Variants in PCDHA3 observed in about 807,000 individuals in gnomAD.
PCDHA3 encodes the protein protocadherin alpha-3.
PCDHA3 carries 41 observed loss-of-function variants against 62.2 expected under a neutral mutation model. That is an observed-to-expected ratio of 0.66 (90% confidence interval 0.51 to 0.86). The LOEUF is 0.86. Among genes scored for constraint, PCDHA3 ranks in the 40% least tolerant of loss-of-function variants. The probability of loss-of-function intolerance (pLI) is 0.00; values close to 1 mark genes in which losing one functional copy is unlikely to be tolerated. For synonymous variants in PCDHA3, 640 were observed against 555.4 expected (o/e 1.15, Z -2.14); for missense variants, 1,304 against 1,241.2 (o/e 1.05, Z -0.76).
At chr5:140,808,715 G>T in intron 1 of PCDHA3, 1 of 1,612,234 alleles carries the variant, frequency 6.2e-7, no homozygotes, top group Non-Finnish European at 8.5e-7. Context: ...CTACGTTTCG[G>T]TGCATGCGGA....
At chr5:140,947,755 G>T (rs1415482913) in intron 1 of PCDHA3, among the ~76,000 whole-genome samples, 1 of 151,450 alleles carries the variant, frequency 6.6e-6, no homozygotes, top group Non-Finnish European at 1.5e-5. Flanking sequence ...GTATTTTATG[G>T]TTTAAAAAAT....
At chr5:140,880,403 T>C (rs1474959731) in intron 1 of PCDHA3, among the ~76,000 whole-genome samples, 1 of 152,186 alleles carries the variant, frequency 6.6e-6, no homozygotes, top group Non-Finnish European at 1.5e-5. Flanking sequence ...GAGCATATGG[T>C]TGACCTTAAA....
intron 1 of PCDHA3, chr5:140,807,860 ACCG>A: frequency 6.2e-7 from 1 of 1,614,160 alleles, no homozygotes. Flanking sequence ...GTTGACTGGC[ACCG>A]TTCAGTTACT....
intron 1 of PCDHA3, chr5:140,927,252 C>A: frequency 6.2e-7 from 1 of 1,614,134 alleles, no homozygotes; most frequent in Non-Finnish European, 8.5e-7. Flanking sequence ...CCAATGACAA[C>A]TCACCTCTCT....
intron 1 of PCDHA3, chr5:140,853,757 T>G: frequency 1.0e-6 from 1 of 988,514 alleles, no homozygotes; most frequent in East Asian, 1.1e-4. Context: ...AGGCTCCACC[T>G]CAGAAATTCT....
Position 140,882,245 on chromosome 5 carries a change from G to C in PCDHA3, c.2394+78654G>C, listed in dbSNP as rs376978051. Reference sequence around the variant, plus strand: ...TAAGGCGTTGTATATATTGCAGATAGCTCTGAGGTTTTTGGAGTGTACCAT... The same window carrying C: ...TAAGGCGTTGTATATATTGCAGATACCTCTGAGGTTTTTGGAGTGTACCAT... On this transcript the variant is annotated intron_variant, in intron 1 of 3. Coordinates refer to ENST00000522353, the MANE Select transcript of PCDHA3 (RefSeq NM_018906.3). 82 of 1,592,614 alleles carry C rather than the reference G, an allele frequency of 5.1e-5. No homozygotes were observed. In the African/African-American group the frequency reaches 9.3e-4, roughly 18 times the overall value.
chr5:140,838,092 G>C (rs1775529438), intron 1 of PCDHA3, among the ~76,000 whole-genome samples: 1 of 140,050 alleles, frequency 7.1e-6, no homozygotes, highest in Admixed American at 7.0e-5. Context: ...GTGTGTGTGT[G>C]TGTGTGTGTG....
At chr5:140,830,003 G>T (rs1554132452) in intron 1 of PCDHA3, 5 of 1,613,852 alleles carry the variant, frequency 3.1e-6, no homozygotes, top group Non-Finnish European at 4.2e-6. Flanking sequence ...TCGTGTCCTG[G>T]ACGAAGCGGA....
At chr5:140,809,691 T>A in intron 1 of PCDHA3, 1 of 1,253,736 alleles carries the variant, frequency 8.0e-7, no homozygotes, top group Non-Finnish European at 1.1e-6. Flanking sequence ...TTTTTACATA[T>A]CCATTTTAAC....
At position 140,802,203 on chromosome 5, in the gene PCDHA3, G is replaced by C. The variant is rs1554121948; in HGVS notation, c.1006G>C (p.Val336Leu). The change falls in exon 1 of 4, where the codon GTT becomes CTT. Residue 336 changes from valine to leucine, a missense_variant. Coordinates refer to ENST00000522353, the MANE Select transcript of PCDHA3 (RefSeq NM_018906.3). ...GNPPMSDHCTVLLEIVDINDN... is the reference protein window; with the variant it reads ...GNPPMSDHCTLLLEIVDINDN... The stretch of plus-strand genomic sequence containing the variant: ...TCCCCCAATGTCAGATCACTGCACA[G>C]TTCTACTCGAAATTGTGGACATCAA... 1 of 1,614,220 alleles carries C rather than the reference G, an allele frequency of 6.2e-7. No individual in the cohort carries two copies. Among genetic ancestry groups the C allele is most frequent in the Non-Finnish European group, 8.5e-7 (1 of 1,180,040 alleles).
At chr5:140,828,370 G>A (rs2150154603) in intron 1 of PCDHA3, 1 of 1,614,292 alleles carries the variant, frequency 6.2e-7, no homozygotes, top group South Asian at 1.1e-5. Context: ...TCGACCGCGA[G>A]GAGCTGTGCG....
At chr5:140,964,566 G>A (rs2095840528) in intron 1 of PCDHA3, among the ~76,000 whole-genome samples, 1 of 152,168 alleles carries the variant, frequency 6.6e-6, no homozygotes, top group Non-Finnish European at 1.5e-5. Context: ...GGGCTGGGAG[G>A]AGATAAGGGG....
intron 1 of PCDHA3, among the ~76,000 whole-genome samples, chr5:140,964,595 T>G (rs1233382494): frequency 6.6e-6 from 1 of 152,116 alleles, no homozygotes; most frequent in East Asian, 1.9e-4. Context: ...TCACTTTTCA[T>G]GACAACTTAC....
intron 1 of PCDHA3, chr5:140,882,819 A>G: frequency 6.2e-7 from 1 of 1,614,244 alleles, no homozygotes; most frequent in Non-Finnish European, 8.5e-7. Flanking sequence ...GACGCACAAA[A>G]CAGTCTTGAG....
chr5:140,907,563 A>G (rs1554193054), intron 1 of PCDHA3, among the ~76,000 whole-genome samples: 1 of 152,160 alleles, frequency 6.6e-6, no homozygotes, highest in Admixed American at 6.5e-5. Context: ...AATATAATCA[A>G]CTTGCCACCA....
chr5:140,803,942 T>C (rs1163892292), intron 1 of PCDHA3: 1 of 383,608 alleles, frequency 2.6e-6, no homozygotes, highest in South Asian at 3.9e-5. Context: ...CCCTATACAA[T>C]GCTTCTTCAA....
intron 1 of PCDHA3, chr5:140,807,929 A>G (rs1764068050): frequency 1.9e-6 from 3 of 1,614,142 alleles, no homozygotes; most frequent in Non-Finnish European, 2.5e-6. Flanking sequence ...AACCATTTAT[A>G]AGGTGAGATT....
intron 1 of PCDHA3, among the ~76,000 whole-genome samples, chr5:140,887,589 T>C (rs1271786236): frequency 6.6e-6 from 1 of 152,120 alleles, no homozygotes; most frequent in Non-Finnish European, 1.5e-5. Context: ...CTTTTGCAGA[T>C]TGATTGTGAT....
At chr5:140,875,463 A>G in intron 1 of PCDHA3, 1 of 1,599,288 alleles carries the variant, frequency 6.3e-7, no homozygotes, top group Non-Finnish European at 8.5e-7. Context: ...AGAGGCCCTC[A>G]TTTTCTGCAA....
Sources: allele counts gnomAD v4.1 joint callset (sites outside exome capture counted in the v4.1 genomes callset), GRCh38; gene constraint gnomAD v4.1.1; transcripts MANE v1.5; gene names NCBI Gene and HGNC (gene_info 2026-07-23, HGNC 2026-07-21).